Variants in NHS observed in about 807,000 individuals in gnomAD.
The protein encoded by NHS is actin remodeling regulator NHS.
Under a neutral mutation model 72.5 loss-of-function variants are expected in NHS, and 5 were observed. The ratio of observed to expected loss-of-function variants is 0.07; its 90% CI spans 0.04 to 0.14. The LOEUF (loss-of-function observed/expected upper bound fraction) is 0.14, where lower values mean the gene tolerates loss of function less well. Among genes scored for constraint, NHS ranks in the 10% least tolerant of loss-of-function variants. The pLI, the probability that NHS is intolerant of heterozygous loss-of-function variation, is 1.00. For missense variants in NHS, 1,072 were observed against 1,355.7 expected, an observed-to-expected ratio of 0.79 and a Z score of 3.29; for synonymous variants, 464 against 547.7, an observed-to-expected ratio of 0.85 and a Z score of 2.13.
chrX:17,500,412 G>T (rs181870917), intron 1 of NHS, among the ~76,000 whole-genome samples: 2 of 112,155 alleles, frequency 1.8e-5, no homozygotes, highest in East Asian at 5.6e-4. Flanking sequence ...ATTTTGCTGG[G>T]AGCCTTCCTT....
chrX:17,732,464 G>C lies in NHS; in HGVS notation c.4956G>C (p.Ter1652TyrextTer42). 3 of 1,212,339 alleles carry C rather than the reference G, an allele frequency of 2.5e-6. No individual in the cohort carries two copies. The highest frequency in any genetic ancestry group is 3.3e-6 in the Non-Finnish European group (3 of 895,669). ...ACCGTTCCTCCCAGAGTTCAACATA[G>C]ACTGCCTGTACCAGGCTGCCTGGCA... Reference protein sequence around the residue: ...HDDRSSQSST* With the variant: ...HDDRSSQSSTY The change falls in exon 9 of 9, where the codon TAG (stop) becomes TAC (tyrosine). Residue 1652 changes from the stop codon to tyrosine, a stop_lost. Transcript: ENST00000676302.
At chrX:17,639,605 A>G (rs1270461566) in intron 1 of NHS, among the ~76,000 whole-genome samples, 1 of 111,492 alleles carries the variant, frequency 9.0e-6, no homozygotes, top group African/African-American at 3.3e-5. Flanking sequence ...TAATCCATTA[A>G]CCCATTAATC....
chrX:17,681,315 C>T (rs1217040694), intron 1 of NHS, among the ~76,000 whole-genome samples: 2 of 112,209 alleles, frequency 1.8e-5, no homozygotes, highest in South Asian at 3.7e-4. Context: ...ATTTATTAAG[C>T]AGTGACACAT....
At chrX:17,541,531 AATG>A (rs1395482694) in intron 1 of NHS, among the ~76,000 whole-genome samples, 1 of 111,373 alleles carries the variant, frequency 9.0e-6, no homozygotes, top group Non-Finnish European at 1.9e-5. Flanking sequence ...GAATGTTGAT[AATG>A]ATAATGATTT....
At chrX:17,383,126 A>C (rs2064386600) in intron 1 of NHS, among the ~76,000 whole-genome samples, 1 of 111,665 alleles carries the variant, frequency 9.0e-6, no homozygotes, top group Non-Finnish European at 1.9e-5. Context: ...TCCTTTCTCC[A>C]TCTCACTTCT....
In NHS at chrX:17,433,196, C is replaced by CT. The variant is rs768285319; in HGVS notation, c.565+56900dup. 6.7e-3 allele frequency among the ~76,000 whole-genome samples: 435 copies of CT among 64,587 alleles called. 11 individuals are homozygous for CT. The highest frequency in any genetic ancestry group is 8.8e-3 in the East Asian group (16 of 1,816). 56.1% of individuals were successfully genotyped at this position (64,587 alleles called of 115,157 possible). A position where few individuals can be genotyped will look rare whatever the true frequency, so the allele number is the denominator to read the frequency against. ...AGGCGCCCGCCACCACGCCCGGCTACTTTTTTTTTTTTTTTTTTTTTTTTT... is the reference window on the plus strand; with the variant it reads ...AGGCGCCCGCCACCACGCCCGGCTACTTTTTTTTTTTTTTTTTTTTTTTTTT... On this transcript the variant is annotated intron_variant, in intron 1 of 8. Transcript: ENST00000676302.
chrX:17,555,842 C>T (rs1415581354), intron 1 of NHS, among the ~76,000 whole-genome samples: 1 of 111,628 alleles, frequency 9.0e-6, no homozygotes, highest in Non-Finnish European at 1.9e-5. Flanking sequence ...CAGTAGCAGG[C>T]GGCTTGCATC....
At chrX:17,622,907 G>A (rs2065780625) in intron 1 of NHS, among the ~76,000 whole-genome samples, 1 of 110,875 alleles carries the variant, frequency 9.0e-6, no homozygotes, top group African/African-American at 3.3e-5. Flanking sequence ...GGGTTTCTCA[G>A]TGACCTCTTA....
At chrX:17,692,229 C>T in intron 2 of NHS, 106 bp from the exon 3 acceptor site, 3 of 940,245 alleles carry the variant, frequency 3.2e-6, no homozygotes, top group Non-Finnish European at 4.4e-6. Context: ...GTAATGAAAA[C>T]TCACTTTTTT....
At chrX:17,652,959 C>T (rs1165082453) in intron 1 of NHS, among the ~76,000 whole-genome samples, 1 of 111,269 alleles carries the variant, frequency 9.0e-6, no homozygotes, top group Non-Finnish European at 1.9e-5. Context: ...AGAATGTCAG[C>T]TCCAACTGGG....
chrX:17,519,675 T>A (rs184698398), intron 1 of NHS, among the ~76,000 whole-genome samples: 14 of 111,454 alleles, frequency 1.3e-4, no homozygotes, highest in African/African-American at 3.9e-4. Context: ...AGGGTGGCTA[T>A]CAGATTAAAA....
rs1260662951 is a variant in NHS, at chrX:17,727,269, A to G, written c.3163A>G (p.Lys1055Glu). Residue 1055 changes from lysine (K) to glutamate (E), a missense_variant, in exon 7 of 9, where the codon AAA becomes GAA. Coordinates refer to ENST00000676302, the MANE Select transcript of NHS (RefSeq NM_001291867.2). ...LSPGGSKRKP[K>E]VPERKSSLQQ... Reference sequence around the variant, plus strand: ...TCCCGGAGGTAGCAAAAGAAAACCTAAAGTCCCAGAAAGAAAATCCTCACT... The same window carrying G: ...TCCCGGAGGTAGCAAAAGAAAACCTGAAGTCCCAGAAAGAAAATCCTCACT... 1 of 1,209,650 alleles carries G rather than the reference A, an allele frequency of 8.3e-7. No individual in the cohort carries two copies. The highest frequency in any genetic ancestry group is 1.7e-5 in the African/African-American group (1 of 57,216).
intron 1 of NHS, among the ~76,000 whole-genome samples, chrX:17,385,717 A>C: frequency 9.0e-6 from 1 of 111,599 alleles, no homozygotes; most frequent in Non-Finnish European, 1.9e-5. Context: ...TCTTGGTTTT[A>C]GTTATTATAA....
At chrX:17,492,953 T>C (rs1000693760) in intron 1 of NHS, among the ~76,000 whole-genome samples, 2 of 112,387 alleles carry the variant, frequency 1.8e-5, no homozygotes, top group Admixed American at 1.9e-4. Flanking sequence ...GTTCCCCTGA[T>C]ATAGGATCAA....
chrX:17,703,190 C>A (rs1004262063), intron 3 of NHS, among the ~76,000 whole-genome samples: 16 of 110,926 alleles, frequency 1.4e-4, no homozygotes, highest in African/African-American at 5.3e-4. Flanking sequence ...CCCAGCTACT[C>A]GGGAGGCTGA....
At position 17,462,561 on chromosome X, in the gene NHS, G is replaced by A. The variant is rs769887685; in HGVS notation, c.565+86239G>A. On this transcript the variant is annotated intron_variant, in intron 1 of 8. Transcript: ENST00000676302. ...GCACTGTTCCAAGTACTTTACATAC[G>A]TTATGGTATTTAAATATATGTAAAG... Among the ~76,000 whole-genome samples the A allele has an allele frequency of 1.4e-4, 16 of 111,887 alleles. No individual in the cohort carries two copies. In the South Asian group the frequency reaches 1.5e-3, roughly 10 times the overall value.
intron 8 of NHS, among the ~76,000 whole-genome samples, chrX:17,729,195 G>A (rs2066470949): frequency 9.0e-6 from 1 of 111,677 alleles, no homozygotes; most frequent in African/African-American, 3.3e-5. Context: ...ACAAACAGAA[G>A]TTGATTCACC....
intron 1 of NHS, among the ~76,000 whole-genome samples, chrX:17,424,739 A>T (rs1429370948): frequency 4.5e-5 from 5 of 112,225 alleles, no homozygotes; most frequent in Non-Finnish European, 5.6e-5. Context: ...TGATCTTGAA[A>T]ATCTCCTTGC....
At chrX:17,527,045 C>T (rs1454749444) in intron 1 of NHS, among the ~76,000 whole-genome samples, 2 of 112,205 alleles carry the variant, frequency 1.8e-5, no homozygotes, top group Non-Finnish European at 3.8e-5. Flanking sequence ...AGACATTTTC[C>T]TCTGGGGGTT....
Sources: gnomAD v4.1 joint callset for allele counts (sites outside exome capture counted in the v4.1 genomes callset) on GRCh38, gnomAD v4.1.1 for gene constraint, MANE v1.5 for transcripts, NCBI Gene and HGNC (gene_info 2026-07-23, HGNC 2026-07-21) for gene names.